The following ASIC2 variants were observed in gnomAD, a reference collection of about 807,000 sequenced individuals.
The protein encoded by ASIC2 is acid sensing ion channel subunit 2.
A neutral mutation model predicts 57.3 loss-of-function variants in ASIC2; 25 were observed. The observed-to-expected ratio is 0.44, with a 90% CI of 0.32 to 0.61. The LOEUF is 0.61. Ranked by LOEUF, ASIC2 falls within the 20% of genes least tolerant of loss-of-function variation. The probability of loss-of-function intolerance (pLI) is 0.06; values close to 1 mark genes in which losing one functional copy is unlikely to be tolerated. For synonymous variants in ASIC2, 319 were observed against 307.5 expected, an observed-to-expected ratio of 1.04 and a Z score of -0.39; for missense variants, 641 against 738.1, an observed-to-expected ratio of 0.87 and a Z score of 1.52.
chr17:34,010,997 G>GAC (rs1398975566), intron 1 of ASIC2, among the ~76,000 whole-genome samples: 7 of 1,458 alleles, frequency 4.8e-3, no homozygotes, highest in Admixed American at 0.015. Flanking sequence ...CCTCTAGTCA[G>GAC]ACACACACAC....
At chr17:34,099,993 A>T (rs1431827846) in intron 1 of ASIC2, among the ~76,000 whole-genome samples, 1 of 152,034 alleles carries the variant, frequency 6.6e-6, no homozygotes, top group African/African-American at 2.4e-5. Flanking sequence ...TTGCTAATGG[A>T]TCCAAGTTCC....
At chr17:33,717,832 A>C (rs961471737) in intron 1 of ASIC2, among the ~76,000 whole-genome samples, 3 of 152,184 alleles carry the variant, frequency 2.0e-5, no homozygotes, top group African/African-American at 7.2e-5. Context: ...AAATGAGGGC[A>C]ATGGATATAA....
intron 4 of ASIC2, among the ~76,000 whole-genome samples, chr17:33,027,723 C>A (rs1043519614): frequency 6.6e-6 from 1 of 152,256 alleles, no homozygotes; most frequent in Non-Finnish European, 1.5e-5. Flanking sequence ...TTCCACTCTG[C>A]ACTTCAGCCT....
At chr17:33,432,006 T>A (rs1911437292) in intron 1 of ASIC2, among the ~76,000 whole-genome samples, 1 of 152,080 alleles carries the variant, frequency 6.6e-6, no homozygotes, top group African/African-American at 2.4e-5. Context: ...CAGGCAAGAA[T>A]GAGAAACAAA....
intron 1 of ASIC2, among the ~76,000 whole-genome samples, chr17:34,136,608 C>T (rs1912134130): frequency 6.6e-6 from 1 of 152,200 alleles, no homozygotes; most frequent in Non-Finnish European, 1.5e-5. Flanking sequence ...TTTGAGATGT[C>T]CCATCTTTCT....
chr17:33,532,951 T>C (rs1170013175), intron 1 of ASIC2, among the ~76,000 whole-genome samples: 1 of 152,208 alleles, frequency 6.6e-6, no homozygotes, highest in Non-Finnish European at 1.5e-5. Context: ...CAACCAAAAA[T>C]ACGTCCAAAG....
chr17:33,392,830 T>C (rs1909949026), intron 1 of ASIC2, among the ~76,000 whole-genome samples: 1 of 152,162 alleles, frequency 6.6e-6, no homozygotes. Context: ...CGCTATACTT[T>C]ATAGAAGCAG....
chr17:33,501,271 T>C (rs916130467), intron 1 of ASIC2, among the ~76,000 whole-genome samples: 2 of 152,246 alleles, frequency 1.3e-5, no homozygotes, highest in Non-Finnish European at 2.9e-5. Flanking sequence ...CTGTGTCTCA[T>C]TGTATGCACG....
At chr17:33,600,134 T>C (rs149755412) in intron 1 of ASIC2, among the ~76,000 whole-genome samples, 37 of 152,314 alleles carry the variant, frequency 2.4e-4, no homozygotes, top group Non-Finnish European at 4.4e-4. Flanking sequence ...CATGGGTAAG[T>C]CAGTTCCTGC....
chr17:33,675,904 A>G (rs1384779221), intron 1 of ASIC2, among the ~76,000 whole-genome samples: 2 of 152,188 alleles, frequency 1.3e-5, no homozygotes, highest in Admixed American at 6.5e-5. Context: ...GCTTTACTGT[A>G]CTTTGCAGAT....
At chr17:34,113,411 G>C (rs923926149) in intron 1 of ASIC2, among the ~76,000 whole-genome samples, 4 of 151,532 alleles carry the variant, frequency 2.6e-5, no homozygotes, top group African/African-American at 9.8e-5. Flanking sequence ...AAATCAAAAA[G>C]TTAGTTGGGC....
In ASIC2 at chr17:33,879,743, C is replaced by T. The variant is rs139645349; in HGVS notation, c.555+276235G>A. On this transcript the variant is annotated intron_variant, in intron 1 of 9. Coordinates refer to the ASIC2 transcript ENST00000359872. ...TATCCAGGAATTGAATTCAGCTCCG[C>T]ACCAAGCGGACCTTGTAGACATCTA... Among the ~76,000 whole-genome samples, 340 of 152,298 alleles carry T rather than the reference C, an allele frequency of 2.2e-3. 2 individuals are homozygous for T. The highest frequency in any genetic ancestry group is 7.9e-3 in the African/African-American group (330 of 41,556).
At chr17:33,469,820 C>G (rs1296091322) in intron 1 of ASIC2, among the ~76,000 whole-genome samples, 1 of 152,114 alleles carries the variant, frequency 6.6e-6, no homozygotes, top group Non-Finnish European at 1.5e-5. Flanking sequence ...TCTACTTAAC[C>G]TCGGGGATAG....
At chr17:33,433,161 C>A (rs1788463275) in intron 1 of ASIC2, among the ~76,000 whole-genome samples, 1 of 152,052 alleles carries the variant, frequency 6.6e-6, no homozygotes, top group Non-Finnish European at 1.5e-5. Flanking sequence ...AAATGCCCAT[C>A]AATAGTAGAC....
At chr17:33,465,335 T>C (rs1912826044) in intron 1 of ASIC2, among the ~76,000 whole-genome samples, 1 of 151,998 alleles carries the variant, frequency 6.6e-6, no homozygotes, top group Non-Finnish European at 1.5e-5. Flanking sequence ...GTGAAATGAG[T>C]AGAAGATCTT....
chr17:34,152,482 C>T (rs574379062), intron 1 of ASIC2, among the ~76,000 whole-genome samples: 7 of 152,140 alleles, frequency 4.6e-5, no homozygotes, highest in African/African-American at 1.4e-4. Flanking sequence ...GGATGTAAAC[C>T]CACTGCTCCA....
intron 1 of ASIC2, among the ~76,000 whole-genome samples, chr17:33,845,452 G>A (rs190099870): frequency 6.6e-5 from 10 of 152,254 alleles, no homozygotes; most frequent in Admixed American, 2.0e-4. Flanking sequence ...TAAGAGAGCA[G>A]CCTTGAATGA....
intron 1 of ASIC2, among the ~76,000 whole-genome samples, chr17:33,429,259 G>C (rs1911320809): frequency 6.6e-6 from 1 of 152,166 alleles, no homozygotes; most frequent in Non-Finnish European, 1.5e-5. Flanking sequence ...TTGTTCTCAA[G>C]GAGCTTTTGG....
At chr17:33,711,752 A>T (rs2142076680) in intron 1 of ASIC2, among the ~76,000 whole-genome samples, 1 of 152,302 alleles carries the variant, frequency 6.6e-6, no homozygotes, top group Admixed American at 6.5e-5. Flanking sequence ...TGTCAAGAGA[A>T]CAGCAAGGGG....
Sources: allele counts gnomAD v4.1 joint callset (sites outside exome capture counted in the v4.1 genomes callset), GRCh38; gene constraint gnomAD v4.1.1; transcripts MANE v1.5; gene names NCBI Gene and HGNC (gene_info 2026-07-23, HGNC 2026-07-21).